The following MON2 variants were observed in gnomAD, a reference collection of about 807,000 sequenced individuals.
MON2 encodes MON2 regulator of endosome-to-Golgi trafficking.
In MON2, 84 loss-of-function variants were observed where a neutral mutation model predicts 208.6. The observed-to-expected ratio is 0.40, with a 90% CI of 0.34 to 0.48. The LOEUF (loss-of-function observed/expected upper bound fraction) is 0.48, where lower values mean the gene tolerates loss of function less well. Among genes scored for constraint, MON2 ranks in the 20% least tolerant of loss-of-function variants. MON2 has a pLI of 0.59. For missense variants in MON2, 1,611 were observed against 2,015.4 expected, an observed-to-expected ratio of 0.80 and a Z score of 3.84; for synonymous variants, 660 against 694.0, an observed-to-expected ratio of 0.95 and a Z score of 0.77.
At chr12:62,547,912 T>A (rs1371772958) in intron 22 of MON2, among the ~76,000 whole-genome samples, 1 of 152,188 alleles carries the variant, frequency 6.6e-6, no homozygotes, top group Non-Finnish European at 1.5e-5. Context: ...GTAAACTCTG[T>A]GATGTTCATA....
At chr12:62,503,556 G>T (rs187474942) in intron 7 of MON2, among the ~76,000 whole-genome samples, 2 of 152,304 alleles carry the variant, frequency 1.3e-5, no homozygotes, top group East Asian at 1.9e-4. Context: ...TTAGTCTCTT[G>T]TAAATTGGTT....
At chr12:62,521,783 T>C (rs2072055968) in intron 8 of MON2, among the ~76,000 whole-genome samples, 3 of 152,242 alleles carry the variant, frequency 2.0e-5, no homozygotes, top group Admixed American at 6.5e-5. Flanking sequence ...CTATACTATA[T>C]TATTTTCCCT....
chr12:62,570,563 C>G (rs367619574), intron 29 of MON2, among the ~76,000 whole-genome samples: 1 of 152,038 alleles, frequency 6.6e-6, no homozygotes, highest in African/African-American at 2.4e-5. Flanking sequence ...TGTACTTACA[C>G]AAACCTAGAT....
intron 33 of MON2, among the ~76,000 whole-genome samples, chr12:62,587,380 A>T (rs914138009): frequency 8.2e-4 from 61 of 74,500 alleles, no homozygotes; most frequent in African/African-American, 2.2e-3. Flanking sequence ...TAATTAGTTT[A>T]AAAAAAAAAA....
Position 62,498,955 on chromosome 12 carries a change from G to C in MON2, c.472G>C (p.Asp158His). 6.2e-7 allele frequency: 1 copy of C among 1,610,250 alleles called. No homozygotes were observed. The highest frequency in any genetic ancestry group is 8.5e-7 in the Non-Finnish European group (1 of 1,178,552). ...VLCFRLHFTK[D>H]NITNNTAAAT... Reference sequence around the variant, plus strand: ...TTGTTTTCGACTACACTTCACAAAAGATAATATTACAAATAATACAGCTGC... The same window carrying C: ...TTGTTTTCGACTACACTTCACAAAACATAATATTACAAATAATACAGCTGC... The change falls in exon 5 of 35, where the codon GAT becomes CAT. Residue 158 changes from aspartate (D) to histidine (H), a missense_variant. By Grantham distance (81) the Asp-to-His change is moderately conservative (BLOSUM62 -1). Coordinates refer to ENST00000393630, the MANE Select transcript of MON2 (RefSeq NM_015026.3).
intron 26 of MON2, among the ~76,000 whole-genome samples, chr12:62,563,013 A>G (rs1432586322): frequency 6.6e-6 from 1 of 152,192 alleles, no homozygotes; most frequent in African/African-American, 2.4e-5. Flanking sequence ...TCCTGAAGTC[A>G]GGAAACTGCA....
intron 8 of MON2, among the ~76,000 whole-genome samples, chr12:62,517,352 G>A (rs1486246266): frequency 6.6e-6 from 1 of 152,064 alleles, no homozygotes; most frequent in Non-Finnish European, 1.5e-5. Context: ...TGTTTCTGTT[G>A]CTAACCAGGA....
chr12:62,540,443 G>A (rs1217690778), intron 19 of MON2, among the ~76,000 whole-genome samples: 1 of 152,164 alleles, frequency 6.6e-6, no homozygotes, highest in Non-Finnish European at 1.5e-5. Context: ...GATTGGAGAT[G>A]TATATTGAAA....
rs546964671 is a variant in MON2 at position 62,560,685 on chromosome 12, A to G, written c.3604A>G (p.Ile1202Val). ...NVPVPVLIGP[I>V]SGMSRPFVRT... ...ACCTGTGCCTGTTCTTATAGGGCCC[A>G]TATCAGGCATGAGCAGGCCATTTGT... Residue 1202 changes from isoleucine (I) to valine (V), a missense_variant, in exon 26 of 35, where the codon ATA becomes GTA. Coordinates refer to ENST00000393630, the MANE Select transcript of MON2 (RefSeq NM_015026.3). 22 of 1,614,108 alleles carry G rather than the reference A, an allele frequency of 1.4e-5. No homozygotes were observed. Among genetic ancestry groups the G allele is most frequent in the Middle Eastern group, 1.6e-4 (1 of 6,062 alleles).
intron 26 of MON2, among the ~76,000 whole-genome samples, chr12:62,564,666 T>G (rs1592411050): frequency 6.6e-6 from 1 of 152,174 alleles, no homozygotes; most frequent in East Asian, 1.9e-4. Context: ...TATTTTATTT[T>G]AAATCAAATC....
intron 21 of MON2, 132 bp from the exon 22 acceptor site, chr12:62,546,761 AAAAT>A (rs1300844375): frequency 1.0e-5 from 7 of 679,122 alleles, no homozygotes; most frequent in Admixed American, 7.1e-5. Context: ...CATTTCAAAA[AAAAT>A]AAATAAAACA....
intron 24 of MON2, among the ~76,000 whole-genome samples, chr12:62,555,186 T>A (rs186608773): frequency 1.3e-5 from 2 of 152,198 alleles, no homozygotes; most frequent in Admixed American, 1.3e-4. Flanking sequence ...TAATTTAATT[T>A]TTTTTTTGAG....
chr12:62,529,987 G>A (rs2072544079), intron 11 of MON2, among the ~76,000 whole-genome samples: 1 of 151,878 alleles, frequency 6.6e-6, no homozygotes, highest in Admixed American at 6.6e-5. Flanking sequence ...TCTTTATGGT[G>A]GGAACATCTG....
chr12:62,578,315 TA>T (rs929133890), intron 30 of MON2, 129 bp from the exon 31 acceptor site: 1 of 627,034 alleles, frequency 1.6e-6, no homozygotes, highest in African/African-American at 1.9e-5. Flanking sequence ...ATTACTCTTT[TA>T]AATAAATAAT....
At position 62,592,605 on chromosome 12, in the gene MON2, A is replaced by G. The variant is rs564042049; in HGVS notation, c.5010A>G (p.Ala1670=). 1.4e-5 allele frequency: 22 copies of G among 1,600,636 alleles called. No homozygotes were observed. In the South Asian group the frequency reaches 2.3e-4, roughly 17 times the overall value. ...TTACAGTTGATGGAAATACCTGGGC[A>G]CAAGTAATTGCCTTATACCCAACTT... ...QPENVDGNTW[A]QVIALYPTLV... is the part of the protein sequence containing the mutation. The change falls in exon 35 of 35, where the codon GCA becomes GCG. Residue 1670 remains alanine (A), a synonymous_variant. Transcript: ENST00000393630.
At chr12:62,547,492 A>C (rs1041254873) in intron 22 of MON2, among the ~76,000 whole-genome samples, 5 of 152,234 alleles carry the variant, frequency 3.3e-5, no homozygotes, top group Admixed American at 3.3e-4. Context: ...TATATTAGGC[A>C]GTCAGAAATT....
chr12:62,495,031 A>G lies in MON2; in HGVS notation c.319A>G (p.Ile107Val), dbSNP rs1185492479. ...EVVSETAAGNIINMLWQLMEN... is the reference protein window; with the variant it reads ...EVVSETAAGNVINMLWQLMEN... ...TATTTTACAGACTGCAGCTGGAAATATAATTAACATGCTTTGGCAGCTAAT... is the reference window on the plus strand; with the variant it reads ...TATTTTACAGACTGCAGCTGGAAATGTAATTAACATGCTTTGGCAGCTAAT... Residue 107 changes from isoleucine (I) to valine (V), a missense_variant, in exon 4 of 35, where the codon ATA becomes GTA. By Grantham distance (29) the Ile-to-Val change is conservative. Coordinates refer to ENST00000393630, the MANE Select transcript of MON2 (RefSeq NM_015026.3). The G allele has an allele frequency of 1.2e-6, 2 of 1,607,190 alleles. No individual in the cohort carries two copies. Among genetic ancestry groups the G allele is most frequent in the Non-Finnish European group, 1.7e-6 (2 of 1,175,512 alleles).
chr12:62,547,810 C>T (rs961562392), intron 22 of MON2, among the ~76,000 whole-genome samples: 2 of 152,140 alleles, frequency 1.3e-5, no homozygotes, highest in African/African-American at 2.4e-5. Context: ...GTATTCAGGA[C>T]AGTAGCAAGC....
intron 20 of MON2, among the ~76,000 whole-genome samples, chr12:62,543,853 C>G (rs1017087418): frequency 2.6e-5 from 4 of 152,130 alleles, no homozygotes; most frequent in African/African-American, 9.7e-5. Context: ...AGGTGATCCA[C>G]CTGCCTTGGT....
Sources: gnomAD v4.1 joint callset for allele counts (sites outside exome capture counted in the v4.1 genomes callset) on GRCh38, gnomAD v4.1.1 for gene constraint, MANE v1.5 for transcripts, NCBI Gene and HGNC (gene_info 2026-07-23, HGNC 2026-07-21) for gene names.